Variants in RNASEH2B observed in about 807,000 individuals in gnomAD.
RNASEH2B encodes the protein ribonuclease H2 subunit B, also known as Aicardi-Goutieres syndrome 2 protein.
A neutral mutation model predicts 45.0 loss-of-function variants in RNASEH2B; 36 were observed. That is an observed-to-expected ratio of 0.80 (90% CI 0.61 to 1.06). The LOEUF (loss-of-function observed/expected upper bound fraction) is 1.06, where lower values mean the gene tolerates loss of function less well. Among genes scored for constraint, RNASEH2B ranks in the 50% least tolerant of loss-of-function variants. The pLI, the probability that RNASEH2B is intolerant of heterozygous loss-of-function variation, is 0.00. For synonymous variants in RNASEH2B, 119 were observed against 125.7 expected (o/e 0.95, Z 0.35); for missense variants, 361 against 360.3 (o/e 1.00, Z -0.02).
chr13:50,956,440 G>A lies in RNASEH2B; in HGVS notation c.905G>A (p.Gly302Glu), dbSNP rs1462322143. 4 of 1,597,834 alleles carry A rather than the reference G, an allele frequency of 2.5e-6. No individual in the cohort carries two copies. The East Asian group carries it at 6.7e-5, about 27-fold the overall frequency. ...ATGAAAAGTATTGATACCTTTTTTG[G>A]GGTAAAAAATAAAAAAAAAATTGGA... ...SGMKSIDTFF[G>E]VKNKKKIGKV The change falls in exon 11 of 11, where the codon GGG becomes GAG. Residue 302 changes from glycine (G) to glutamate (E), a missense_variant. Coordinates refer to ENST00000336617, the MANE Select transcript of RNASEH2B (RefSeq NM_024570.4).
At chr13:50,935,196 C>A in intron 5 of RNASEH2B, 197 bp downstream of exon 5, 1 of 581,978 alleles carries the variant, frequency 1.7e-6, no homozygotes, top group South Asian at 2.0e-5. Flanking sequence ...ACAACCATGG[C>A]AGTCTAGGGC....
intron 1 of RNASEH2B, 63 bp downstream of exon 1, chr13:50,910,203 G>A (rs1593440058): frequency 1.6e-6 from 2 of 1,219,910 alleles, no homozygotes; most frequent in Non-Finnish European, 2.1e-6. Context: ...CCGCGACCCC[G>A]GGCGCGCCGC....
intron 9 of RNASEH2B, among the ~76,000 whole-genome samples, chr13:50,966,369 C>T (rs1593487645): frequency 1.3e-5 from 2 of 152,316 alleles, no homozygotes; most frequent in South Asian, 4.1e-4. Context: ...CTACTTGAAT[C>T]CTTTGGCCCT....
intron 1 of RNASEH2B, among the ~76,000 whole-genome samples, chr13:50,917,811 C>G (rs923794312): frequency 1.3e-5 from 2 of 152,146 alleles, no homozygotes; most frequent in South Asian, 2.1e-4. Flanking sequence ...TCAAACTGCT[C>G]TCAGTTTGAT....
rs753716315 is a variant in RNASEH2B, at chr13:50,934,915, G to C, written c.352G>C (p.Val118Leu). 4.3e-6 allele frequency: 7 copies of C among 1,613,816 alleles called. No individual in the cohort carries two copies. The highest frequency in any genetic ancestry group is 5.1e-6 in the Non-Finnish European group (6 of 1,179,750). ...GKFQPLDQVV[V>L]DNVFPNCILL... The stretch of plus-strand genomic sequence containing the variant: ...GTTTCAGCCCCTTGATCAAGTTGTG[G>C]TGGATAACGTGTTTCCAAATTGCAT... The change falls in exon 5 of 11, where the codon GTG becomes CTG. Residue 118 changes from valine to leucine, a missense_variant. Val to Leu is a conservative substitution (Grantham distance 32). Transcript: ENST00000336617.
chr13:50,938,182 A>C (rs540429222), intron 5 of RNASEH2B: 4 of 152,360 alleles, frequency 2.6e-5, no homozygotes, highest in South Asian at 4.1e-4. Flanking sequence ...CTACCATTAA[A>C]AATAACATTC....
intron 8 of RNASEH2B, 42 bp from the exon 9 acceptor site, chr13:50,949,421 A>G (rs752694584): frequency 1.9e-6 from 3 of 1,594,310 alleles, no homozygotes; most frequent in East Asian, 2.2e-5. Context: ...TTGTTTGTCT[A>G]TGAAAAACGA....
downstream of RNASEH2B, among the ~76,000 whole-genome samples, chr13:50,958,405 G>A (rs1485035660): frequency 6.6e-6 from 1 of 152,064 alleles, no homozygotes; most frequent in African/African-American, 2.4e-5. Context: ...AGCTATAGGT[G>A]TGTGGCTTTA....
chr13:50,910,080 G>T lies in RNASEH2B; in HGVS notation c.4G>T (p.Ala2Ser). The change falls in exon 1 of 11, where the codon GCC becomes TCC. Residue 2 changes from alanine to serine, a missense_variant. Physicochemically the swap from Ala to Ser is moderately conservative, Grantham distance 99 (BLOSUM62 1). Transcript: ENST00000336617. ...CGCCCCGGAAGAGGCGGGCGGCATG[G>T]CCGCTGGCGTGGACTGCGGGGACGG... Reference protein sequence around the residue: MAAGVDCGDGVG... With the variant: MSAGVDCGDGVG... 1.4e-6 allele frequency: 2 copies of T among 1,463,870 alleles called. No homozygotes were observed. Among genetic ancestry groups the T allele is most frequent in the Non-Finnish European group, 1.8e-6 (2 of 1,112,070 alleles). 90.7% of individuals were successfully genotyped at this position (1,463,870 alleles called of 1,614,324 possible).
At chr13:50,931,415 A>C (rs1951679611) in intron 4 of RNASEH2B, among the ~76,000 whole-genome samples, 1 of 152,326 alleles carries the variant, frequency 6.6e-6, no homozygotes, top group African/African-American at 2.4e-5. Context: ...GAGATTTAAA[A>C]ATTATTTATT....
Position 50,942,853 on chromosome 13 carries a change from C to T in RNASEH2B, c.437-468C>T, listed in dbSNP as rs542994423. 2 of 160,158 alleles carry T rather than the reference C, an allele frequency of 1.2e-5. 1 individual carries two copies. Among genetic ancestry groups the T allele is most frequent in the South Asian group, 3.6e-4 (2 of 5,502 alleles). 9.9% of individuals were successfully genotyped at this position (160,158 alleles called of 1,614,324 possible). A position where few individuals can be genotyped will look rare whatever the true frequency, so the allele number is the denominator to read the frequency against. On this transcript the variant is annotated intron_variant, in intron 5 of 10. Coordinates refer to ENST00000336617, the MANE Select transcript of RNASEH2B (RefSeq NM_024570.4). ...TTAGTCCAGTAAGGCAGCAACAACTCAAAGTGGGGGTTTCCACGTTAGACA... is the reference window on the plus strand; with the variant it reads ...TTAGTCCAGTAAGGCAGCAACAACTTAAAGTGGGGGTTTCCACGTTAGACA...
At chr13:50,961,574 G>C (rs1952111543), downstream of RNASEH2B, among the ~76,000 whole-genome samples, 1 of 152,000 alleles carries the variant, frequency 6.6e-6, no homozygotes, top group South Asian at 2.1e-4. Context: ...TCAGCCTCTT[G>C]TCCTGTGCAA....
At chr13:50,930,228 A>G in intron 3 of RNASEH2B, 1 of 294,062 alleles carries the variant, frequency 3.4e-6, no homozygotes, top group East Asian at 9.4e-5. Flanking sequence ...GACTGTGTAT[A>G]GAGAGAATGG....
intron 9 of RNASEH2B, among the ~76,000 whole-genome samples, chr13:50,962,079 TATATGTA>T (rs1952117617): frequency 6.6e-6 from 1 of 152,314 alleles, no homozygotes; most frequent in South Asian, 2.1e-4. Flanking sequence ...TTATTCTTTT[TATATGTA>T]GTATGGGGTT....
chr13:50,910,938 T>C (rs1230760713), intron 1 of RNASEH2B: 1 of 152,262 alleles, frequency 6.6e-6, no homozygotes, highest in Non-Finnish European at 1.5e-5. Flanking sequence ...TTTGTGGCAG[T>C]AAATATACTC....
intron 7 of RNASEH2B, 42 bp from the exon 8 acceptor site, chr13:50,947,945 A>ATT (rs752082343): frequency 1.4e-5 from 18 of 1,276,480 alleles, no homozygotes; most frequent in African/African-American, 6.1e-5. Context: ...CATAATTACT[A>ATT]TTTTTTTTTT....
chr13:50,947,040 T>A (rs1052613649), intron 7 of RNASEH2B, among the ~76,000 whole-genome samples: 37 of 152,188 alleles, frequency 2.4e-4, no homozygotes, highest in African/African-American at 8.9e-4. Context: ...AGTCATTTTC[T>A]ATGTAATACT....
chr13:50,945,285 C>G, intron 6 of RNASEH2B, 142 bp from the exon 7 acceptor site: 1 of 658,652 alleles, frequency 1.5e-6, no homozygotes. Flanking sequence ...TTCTCATCTT[C>G]TGGTGTCTGG....
At chr13:50,916,048 A>G (rs1475596573) in intron 1 of RNASEH2B, among the ~76,000 whole-genome samples, 2 of 151,804 alleles carry the variant, frequency 1.3e-5, no homozygotes, top group Non-Finnish European at 2.9e-5. Flanking sequence ...TTAAATAATT[A>G]GAATAATAAT....
Sources: allele counts gnomAD v4.1 joint callset (sites outside exome capture counted in the v4.1 genomes callset), GRCh38; gene constraint gnomAD v4.1.1; transcripts MANE v1.5; gene names NCBI Gene and HGNC (gene_info 2026-07-23, HGNC 2026-07-21).